FRMD3: variants seen among roughly 807,000 people sequenced by gnomAD.
FRMD3 encodes FERM domain containing 3, also known as FERM domain-containing protein 3.
In FRMD3, 33 loss-of-function variants were observed where a neutral mutation model predicts 70.2. That is an observed-to-expected ratio of 0.47 (90% CI 0.36 to 0.63). The LOEUF (loss-of-function observed/expected upper bound fraction) is 0.63. Ranked by LOEUF, FRMD3 falls within the 20% of genes least tolerant of loss-of-function variation. FRMD3 has a pLI of 0.00. For missense variants in FRMD3, 632 were observed against 711.4 expected, an observed-to-expected ratio of 0.89 and a Z score of 1.27; for synonymous variants, 279 against 255.9, an observed-to-expected ratio of 1.09 and a Z score of -0.86.
chr9:83,409,510 G>A (rs1394326371), intron 1 of FRMD3, among the ~76,000 whole-genome samples: 5 of 152,174 alleles, frequency 3.3e-5, no homozygotes, highest in Non-Finnish European at 7.3e-5. Context: ...TAGTTCAGAG[G>A]ATGGACAAAA....
chr9:83,524,062 G>A (rs1052599409), intron 1 of FRMD3, among the ~76,000 whole-genome samples: 2 of 152,374 alleles, frequency 1.3e-5, no homozygotes, highest in South Asian at 2.1e-4. Context: ...TGACATGGCA[G>A]TGGCTAGTGC....
At chr9:83,522,259 A>G (rs1037934609) in intron 1 of FRMD3, among the ~76,000 whole-genome samples, 5 of 152,186 alleles carry the variant, frequency 3.3e-5, no homozygotes, top group Admixed American at 2.0e-4. Flanking sequence ...CGGTTGCACA[A>G]CAATGTGATT....
intron 3 of FRMD3, among the ~76,000 whole-genome samples, chr9:83,361,099 C>A (rs534889986): frequency 6.6e-6 from 1 of 152,198 alleles, no homozygotes; most frequent in Non-Finnish European, 1.5e-5. Context: ...CATAGCTGCT[C>A]TTCTTGGAAA....
intron 2 of FRMD3, among the ~76,000 whole-genome samples, chr9:83,377,812 G>A (rs889820876): frequency 6.6e-6 from 1 of 152,064 alleles, no homozygotes; most frequent in African/African-American, 2.4e-5. Context: ...TTTCTTCATA[G>A]CAATGCAGGA....
chr9:83,507,736 A>ATATATATATATATATCTATC (rs1554713917), intron 1 of FRMD3, among the ~76,000 whole-genome samples: 5 of 88,698 alleles, frequency 5.6e-5, no homozygotes, highest in Non-Finnish European at 7.1e-5. Context: ...ATATATATAT[A>ATATATATATATATATCTATC]TATCTTCTGG....
intron 3 of FRMD3, among the ~76,000 whole-genome samples, chr9:83,352,834 C>G (rs548105839): frequency 1.3e-5 from 2 of 152,202 alleles, no homozygotes; most frequent in East Asian, 3.9e-4. Flanking sequence ...GTTGATTTAC[C>G]CTGAGTTTAC....
chr9:83,389,003 T>C (rs1029454111), intron 2 of FRMD3, among the ~76,000 whole-genome samples: 2 of 149,210 alleles, frequency 1.3e-5, no homozygotes, highest in Non-Finnish European at 3.0e-5. Flanking sequence ...TGGAGTGTAG[T>C]AGCCCCATCA....
chr9:83,507,277 C>G (rs150729928), intron 1 of FRMD3, among the ~76,000 whole-genome samples: 2,044 of 143,892 alleles, frequency 0.014, 57 homozygotes, highest in African/African-American at 0.05. Flanking sequence ...TGAGACAGGA[C>G]AATTGCTTGA....
intron 1 of FRMD3, among the ~76,000 whole-genome samples, chr9:83,493,648 A>T (rs1345638903): frequency 6.6e-6 from 1 of 152,214 alleles, no homozygotes; most frequent in Non-Finnish European, 1.5e-5. Context: ...AGCCTTTAAG[A>T]TGTAAACGTG....
intron 1 of FRMD3, among the ~76,000 whole-genome samples, chr9:83,527,648 A>G (rs947128196): frequency 2.0e-5 from 3 of 152,110 alleles, no homozygotes; most frequent in African/African-American, 7.2e-5. Context: ...CCTTCCCAAG[A>G]CTTCCTGAAT....
At chr9:83,516,821 A>G (rs532475955) in intron 1 of FRMD3, among the ~76,000 whole-genome samples, 53 of 152,268 alleles carry the variant, frequency 3.5e-4, no homozygotes, top group African/African-American at 1.1e-3. Context: ...AAGAAACTCA[A>G]TCAAAACTGC....
intron 10 of FRMD3, among the ~76,000 whole-genome samples, chr9:83,306,342 C>T (rs1835135373): frequency 1.3e-5 from 2 of 152,184 alleles, no homozygotes; most frequent in South Asian, 4.1e-4. Context: ...ACCTCTGTTG[C>T]CTCTTTCACA....
At chr9:83,390,531 A>G (rs954675724) in intron 1 of FRMD3, among the ~76,000 whole-genome samples, 5 of 152,108 alleles carry the variant, frequency 3.3e-5, no homozygotes, top group Non-Finnish European at 7.4e-5. Context: ...CCTTGGGTAA[A>G]CCCCTAGCTG....
chr9:83,490,492 G>C (rs920977168), intron 1 of FRMD3, among the ~76,000 whole-genome samples: 5 of 152,018 alleles, frequency 3.3e-5, no homozygotes, highest in African/African-American at 7.2e-5. Flanking sequence ...ATTTCGCCAA[G>C]GATGGTTTTG....
chr9:83,582,245 A>G, the FRMD3 span, among the ~76,000 whole-genome samples: 1 of 152,128 alleles, frequency 6.6e-6, no homozygotes, highest in Non-Finnish European at 1.5e-5. Flanking sequence ...CCGAAAAGCA[A>G]TATCTTAATC....
intron 5 of FRMD3, among the ~76,000 whole-genome samples, chr9:83,340,595 T>G (rs972608334): frequency 1.3e-5 from 2 of 152,216 alleles, no homozygotes; most frequent in Non-Finnish European, 2.9e-5. Context: ...GGTGTTGTTT[T>G]GTAAAAGGAA....
chr9:83,514,130 A>G (rs1829400670), intron 1 of FRMD3, among the ~76,000 whole-genome samples: 1 of 152,062 alleles, frequency 6.6e-6, no homozygotes, highest in Non-Finnish European at 1.5e-5. Flanking sequence ...ACTCCCCTGG[A>G]AAGGGGGCTG....
intron 1 of FRMD3, among the ~76,000 whole-genome samples, chr9:83,517,484 C>T (rs1367816253): frequency 7.8e-6 from 1 of 128,998 alleles, no homozygotes; most frequent in African/African-American, 3.1e-5. Context: ...TAACTAATAG[C>T]CTACCAATCC....
At chr9:83,322,565 C>T (rs1835841386) in intron 6 of FRMD3, among the ~76,000 whole-genome samples, 1 of 152,188 alleles carries the variant, frequency 6.6e-6, no homozygotes, top group Admixed American at 6.5e-5. Context: ...TGTTGCCCAG[C>T]AGAGGCCACT....
Sources: gnomAD v4.1 joint callset for allele counts (sites outside exome capture counted in the v4.1 genomes callset) on GRCh38, gnomAD v4.1.1 for gene constraint, MANE v1.5 for transcripts, NCBI Gene and HGNC (gene_info 2026-07-23, HGNC 2026-07-21) for gene names.